The following GPC6 variants were observed in gnomAD, a reference collection of about 807,000 sequenced individuals.
GPC6 encodes the protein glypican 6, also known as glypican-6.
In GPC6, 14 loss-of-function variants were observed where a neutral mutation model predicts 55.2. The observed-to-expected ratio is 0.25, with a 90% confidence interval of 0.17 to 0.40. GPC6 has a LOEUF of 0.40. Ranked by LOEUF, GPC6 falls within the 10% of genes least tolerant of loss-of-function variation. The pLI is 1.00. For synonymous variants in GPC6, 278 were observed against 259.6 expected, an observed-to-expected ratio of 1.07 and a Z score of -0.68; for missense variants, 641 against 708.5, an observed-to-expected ratio of 0.90 and a Z score of 1.08.
chr13:94,327,023 T>C (rs562761510), intron 6 of GPC6, among the ~76,000 whole-genome samples: 2 of 152,280 alleles, frequency 1.3e-5, no homozygotes, highest in African/African-American at 4.8e-5. Context: ...GCTAAATATT[T>C]TGGTAGTTTA....
At chr13:93,328,676 A>G (rs1302508878) in intron 1 of GPC6, among the ~76,000 whole-genome samples, 1 of 147,126 alleles carries the variant, frequency 6.8e-6, no homozygotes, top group East Asian at 2.3e-4. Context: ...CCTTGTCTCA[A>G]TTAAAAAAAA....
At chr13:94,091,429 T>C (rs1028348099) in intron 4 of GPC6, among the ~76,000 whole-genome samples, 10 of 152,176 alleles carry the variant, frequency 6.6e-5, no homozygotes, top group Non-Finnish European at 1.5e-4. Context: ...GGGCTATGCT[T>C]TCCACTAATC....
intron 7 of GPC6, among the ~76,000 whole-genome samples, chr13:94,385,129 A>AT (rs1880345285): frequency 6.6e-6 from 1 of 152,178 alleles, no homozygotes; most frequent in Non-Finnish European, 1.5e-5. Context: ...AGTCCCAGCT[A>AT]CTTAGGAAGC....
rs1306129138 is a variant in GPC6, at chr13:94,398,777, A to G, written c.1465+136A>G. On this transcript the variant is annotated intron_variant, in intron 8 of 8. Coordinates refer to ENST00000377047, the MANE Select transcript of GPC6 (RefSeq NM_005708.5). ...TTCCTCAGGCTGTGATTCTTGTTAT[A>G]GTCTTTTGGACAGAGAGCTCTGATC... is the stretch of plus-strand genomic sequence containing the variant. 9.2e-6 allele frequency: 7 copies of G among 762,268 alleles called. No homozygotes were observed. In the East Asian group the frequency reaches 1.9e-4, roughly 20 times the overall value. The allele number at this position is 762,268 out of a possible 1,614,324, so 47.2% of individuals were successfully genotyped here.
At chr13:93,901,916 A>C (rs1484825858) in intron 3 of GPC6, among the ~76,000 whole-genome samples, 3 of 151,924 alleles carry the variant, frequency 2.0e-5, no homozygotes, top group South Asian at 2.1e-4. Flanking sequence ...AAAAAAAAAA[A>C]AACTTTTAAA....
chr13:93,279,336 A>G (rs558752431), intron 1 of GPC6, among the ~76,000 whole-genome samples: 175 of 152,338 alleles, frequency 1.1e-3, no homozygotes, highest in Non-Finnish European at 2.2e-3. Flanking sequence ...TGGAGTTAAC[A>G]GATATTCTAG....
chr13:94,064,773 TCTC>T (rs1452709363), intron 4 of GPC6, among the ~76,000 whole-genome samples: 3 of 152,142 alleles, frequency 2.0e-5, no homozygotes, highest in African/African-American at 7.2e-5. Flanking sequence ...AGATTTATCT[TCTC>T]TTGCCTGAAT....
At chr13:93,235,600 G>T (rs1184857783) in intron 1 of GPC6, among the ~76,000 whole-genome samples, 1 of 152,026 alleles carries the variant, frequency 6.6e-6, no homozygotes, top group African/African-American at 2.4e-5. Flanking sequence ...TGAAGAAGGG[G>T]TGAATAAGGC....
At chr13:94,385,107 G>C (rs1370642521) in intron 7 of GPC6, among the ~76,000 whole-genome samples, 1 of 152,168 alleles carries the variant, frequency 6.6e-6, no homozygotes, top group Non-Finnish European at 1.5e-5. Flanking sequence ...GGGTGTGGTG[G>C]CACATGCCTG....
intron 3 of GPC6, among the ~76,000 whole-genome samples, chr13:93,880,499 G>T (rs1874891565): frequency 6.6e-6 from 1 of 152,028 alleles, no homozygotes. Flanking sequence ...CTCACTCATA[G>T]GTGGGAATTG....
chr13:93,862,337 A>G (rs61506126), intron 3 of GPC6, among the ~76,000 whole-genome samples: 5,555 of 151,508 alleles, frequency 0.037, 276 homozygotes, highest in East Asian at 0.17. Context: ...CAGCCTAAGA[A>G]TGGACTTTGC....
At chr13:94,206,329 G>T (rs1490556966) in intron 4 of GPC6, among the ~76,000 whole-genome samples, 4 of 152,168 alleles carry the variant, frequency 2.6e-5, no homozygotes, top group East Asian at 3.9e-4. Flanking sequence ...CTCTCTAGTG[G>T]ATGCTATGAA....
intron 1 of GPC6, among the ~76,000 whole-genome samples, chr13:93,473,675 T>G (rs1879206200): frequency 6.6e-6 from 1 of 152,168 alleles, no homozygotes; most frequent in African/African-American, 2.4e-5. Context: ...CTTTGCCCAC[T>G]CCTCTGTGCC....
intron 2 of GPC6, among the ~76,000 whole-genome samples, chr13:93,667,557 C>T (rs1482771568): frequency 6.6e-6 from 1 of 151,620 alleles, no homozygotes; most frequent in East Asian, 1.9e-4. Flanking sequence ...CTTAGCCTCT[C>T]GAGTAGCTGG....
chr13:94,198,568 G>A (rs28505320), intron 4 of GPC6, among the ~76,000 whole-genome samples: 4 of 152,176 alleles, frequency 2.6e-5, no homozygotes, highest in Admixed American at 6.5e-5. Context: ...CTGGATTTTA[G>A]AAGATATTTT....
At chr13:93,303,991 C>T (rs1319166922) in intron 1 of GPC6, among the ~76,000 whole-genome samples, 1 of 151,424 alleles carries the variant, frequency 6.6e-6, no homozygotes, top group Non-Finnish European at 1.5e-5. Context: ...GCCTCAGCCT[C>T]CCGAGCAGCT....
chr13:93,231,375 A>ATATG (rs1555336133), intron 1 of GPC6, among the ~76,000 whole-genome samples: 2 of 17,526 alleles, frequency 1.1e-4, no homozygotes, highest in Non-Finnish European at 2.0e-4. Context: ...ATATATATAT[A>ATATG]TATACATATA....
intron 4 of GPC6, among the ~76,000 whole-genome samples, chr13:94,090,503 C>T (rs1458005837): frequency 5.3e-5 from 8 of 152,110 alleles, no homozygotes; most frequent in Admixed American, 4.6e-4. Flanking sequence ...TGAAAAAGGT[C>T]AAAATACTCT....
At chr13:93,959,054 A>G (rs1229113134) in intron 3 of GPC6, among the ~76,000 whole-genome samples, 1 of 152,178 alleles carries the variant, frequency 6.6e-6, no homozygotes, top group Admixed American at 6.5e-5. Context: ...GAAATTATTT[A>G]TCAGTTCTAG....
Sources: allele counts gnomAD v4.1 joint callset (sites outside exome capture counted in the v4.1 genomes callset), GRCh38; gene constraint gnomAD v4.1.1; transcripts MANE v1.5; gene names NCBI Gene and HGNC (gene_info 2026-07-23, HGNC 2026-07-21).